Variants in MAP2K5 observed in about 807,000 individuals in gnomAD.
MAP2K5 encodes dual specificity mitogen-activated protein kinase kinase 5.
MAP2K5 carries 49 observed loss-of-function variants against 83.1 expected under a neutral mutation model. The ratio of observed to expected loss-of-function variants is 0.59; its 90% CI spans 0.47 to 0.75. The LOEUF (loss-of-function observed/expected upper bound fraction) is 0.75. Among genes scored for constraint, MAP2K5 ranks in the 30% least tolerant of loss-of-function variants. MAP2K5 has a pLI of 0.00. For synonymous variants in MAP2K5, 202 were observed against 191.8 expected (o/e 1.05, Z -0.44); for missense variants, 457 against 557.5 (o/e 0.82, Z 1.82).
chr15:67,761,866 A>G (rs1402631423), intron 19 of MAP2K5, among the ~76,000 whole-genome samples: 1 of 152,226 alleles, frequency 6.6e-6, no homozygotes, highest in African/African-American at 2.4e-5. Context: ...ACTTCTGTAG[A>G]ACCAGCTGAA....
At chr15:67,765,158 G>A (rs2090017240) in intron 19 of MAP2K5, among the ~76,000 whole-genome samples, 1 of 152,046 alleles carries the variant, frequency 6.6e-6, no homozygotes, top group Non-Finnish European at 1.5e-5. Context: ...CAAGAGATGG[G>A]GATCATTCTG....
Position 67,587,787 on chromosome 15 carries a change from C to G in MAP2K5, c.431+874C>G, listed in dbSNP as rs1022347456. Among the ~76,000 whole-genome samples the G allele has an allele frequency of 1.3e-5, 2 of 152,202 alleles. No homozygotes were observed. Among genetic ancestry groups the G allele is most frequent in the Admixed American group, 6.5e-5 (1 of 15,280 alleles). On this transcript the variant is annotated intron_variant, in intron 6 of 21. Transcript: ENST00000178640. This position sits in a 1 kb window ranked among gnomAD's most constrained non-coding sequence, Gnocchi z 4.8. ...CTCAGTAAATTCTCCCACATCCAGT[C>G]CATTGCTAACTCCAGATAACTTGTC...
intron 3 of MAP2K5, among the ~76,000 whole-genome samples, chr15:67,574,464 C>T (rs187390914): frequency 2.6e-5 from 4 of 151,812 alleles, no homozygotes; most frequent in Admixed American, 2.0e-4. Flanking sequence ...ATCAGCTACT[C>T]GGGAGGCTGA....
intron 16 of MAP2K5, among the ~76,000 whole-genome samples, chr15:67,704,905 TAG>T (rs2088512516): frequency 6.6e-6 from 1 of 152,180 alleles, no homozygotes; most frequent in East Asian, 1.9e-4. Context: ...ATAAGAATCC[TAG>T]ATTGGGAATG....
chr15:67,741,164 T>C (rs1005763797), intron 17 of MAP2K5, among the ~76,000 whole-genome samples: 4 of 152,064 alleles, frequency 2.6e-5, no homozygotes, highest in African/African-American at 9.7e-5. Context: ...TCATACTTTA[T>C]GAGGAACATA....
rs1286675993 is a variant in MAP2K5, at chr15:67,770,825, C to T, written c.1196+1162C>T. Among the ~76,000 whole-genome samples, 1 of 152,140 alleles carries T rather than the reference C, an allele frequency of 6.6e-6. No homozygotes were observed. Among genetic ancestry groups the T allele is most frequent in the Non-Finnish European group, 1.5e-5 (1 of 68,032 alleles). On this transcript the variant is annotated intron_variant, in intron 20 of 21. Transcript: ENST00000178640. The surrounding 1 kb of genome is among the most constrained non-coding windows in gnomAD (Gnocchi z 5.0). The stretch of plus-strand genomic sequence containing the variant: ...ATGTTACCTCTTAATAAAAATGTCT[C>T]ATGCAGTTTATATTCCATAGAAAAT...
intron 21 of MAP2K5, among the ~76,000 whole-genome samples, chr15:67,776,175 A>T (rs935516010): frequency 1.3e-5 from 2 of 152,198 alleles, no homozygotes; most frequent in African/African-American, 4.8e-5. Flanking sequence ...AACATTCAGC[A>T]TACCGACAGA....
intron 3 of MAP2K5, among the ~76,000 whole-genome samples, chr15:67,570,274 C>T (rs978575543): frequency 6.6e-6 from 1 of 152,234 alleles, no homozygotes; most frequent in Non-Finnish European, 1.5e-5. Context: ...GTCATTTTCA[C>T]TTTCAAGTCA....
chr15:67,663,506 C>G (rs1413605361), intron 12 of MAP2K5, among the ~76,000 whole-genome samples: 1 of 152,098 alleles, frequency 6.6e-6, no homozygotes, highest in African/African-American at 2.4e-5. Flanking sequence ...CCTTAGTAAG[C>G]CTTTCTGACT....
In MAP2K5 at chr15:67,563,327, G is replaced by A; in HGVS notation, c.229G>A (p.Glu77Lys). 1 of 1,611,510 alleles carries A rather than the reference G, an allele frequency of 6.2e-7. No individual in the cohort carries two copies. Among genetic ancestry groups the A allele is most frequent in the Non-Finnish European group, 8.5e-7 (1 of 1,178,990 alleles). ...GDRITVRSDE[E>K]MKAMLSYYYS... ...TCGAATTACAGTGAGAAGTGATGAG[G>A]AAATGAAGGCAATGCTGTCATATGT... Residue 77 changes from glutamate to lysine, a missense_variant, in exon 3 of 22, where the codon GAA becomes AAA. Glu to Lys is a moderately conservative substitution (Grantham distance 56). Around this residue, in one of 3 missense-constraint regions of MAP2K5, gnomAD observed 234 missense variants for 243.6 expected, o/e 0.96. Transcript: ENST00000178640. The surrounding 1 kb of genome is among the most constrained non-coding windows in gnomAD (Gnocchi z 4.5).
rs1227906248 is a variant in MAP2K5, at chr15:67,779,201, CA to C, written c.1242+6451del. Among the ~76,000 whole-genome samples, 1 of 152,170 alleles carries C rather than the reference CA, an allele frequency of 6.6e-6. No individual in the cohort carries two copies. Among genetic ancestry groups the C allele is most frequent in the Non-Finnish European group, 1.5e-5 (1 of 68,040 alleles). ...GGGGCCCCACGTAGGGTCCAGCTGACAACCATGGAATTTTTTTTTAAGTTCT... is the reference window on the plus strand; with the variant it reads ...GGGGCCCCACGTAGGGTCCAGCTGACACCATGGAATTTTTTTTTAAGTTCT... On this transcript the variant is annotated intron_variant, in intron 21 of 21. Transcript: ENST00000178640. This position sits in a 1 kb window ranked among gnomAD's most constrained non-coding sequence, Gnocchi z 4.6.
Position 67,652,445 on chromosome 15 carries a change from C to G in MAP2K5, c.736+5976C>G, listed in dbSNP as rs151097013. The stretch of plus-strand genomic sequence containing the variant: ...TCTCAGGAAGCTTCCATTCGTGGAG[C>G]AAGAGAGAGAGGAGGGAGGTCCCAG... On this transcript the variant is annotated intron_variant, in intron 11 of 21. Coordinates refer to ENST00000178640, the MANE Select transcript of MAP2K5 (RefSeq NM_145160.3). This position sits in a 1 kb window ranked among gnomAD's most constrained non-coding sequence, Gnocchi z 4.2. Among the ~76,000 whole-genome samples the G allele has an allele frequency of 3.7e-3, 567 of 152,166 alleles. 4 individuals carry two copies. Among genetic ancestry groups the G allele is most frequent in the African/African-American group, 0.013 (546 of 41,506 alleles).
intron 13 of MAP2K5, among the ~76,000 whole-genome samples, chr15:67,691,361 G>A (rs1037950618): frequency 7.2e-5 from 11 of 152,194 alleles, no homozygotes; most frequent in African/African-American, 2.4e-4. Context: ...CACATTGCCT[G>A]TCACATAAGT....
At position 67,636,205 on chromosome 15, in the gene MAP2K5, G is replaced by T. The variant is rs78972675; in HGVS notation, c.585+5278G>T. 0.14 allele frequency among the ~76,000 whole-genome samples: 20,844 copies of T among 152,140 alleles called. 1,523 individuals carry two copies. The highest frequency in any genetic ancestry group is 0.16 in the South Asian group (778 of 4,820). Reference sequence around the variant, plus strand: ...AGGTGGGCGGATCATGAGGTCAGGAGATCGAGACCATCCTAACACGGTGAA... The same window carrying T: ...AGGTGGGCGGATCATGAGGTCAGGATATCGAGACCATCCTAACACGGTGAA... On this transcript the variant is annotated intron_variant, in intron 9 of 21. Transcript: ENST00000178640. The surrounding 1 kb of genome is among the most constrained non-coding windows in gnomAD (Gnocchi z 4.7).
At chr15:67,682,572 A>C (rs967955663) in intron 13 of MAP2K5, among the ~76,000 whole-genome samples, 36 of 148,126 alleles carry the variant, frequency 2.4e-4, no homozygotes, top group African/African-American at 8.9e-4. Context: ...GGTGGCTTAC[A>C]CCTGTAATCC....
rs372016427 is a variant in MAP2K5 at position 67,590,046 on chromosome 15, A to G, written c.432-2880A>G. Among the ~76,000 whole-genome samples, 4 of 152,202 alleles carry G rather than the reference A, an allele frequency of 2.6e-5. No homozygotes were observed. The South Asian group carries it at 6.2e-4, about 24-fold the overall frequency. On this transcript the variant is annotated intron_variant, in intron 6 of 21. Coordinates refer to ENST00000178640, the MANE Select transcript of MAP2K5 (RefSeq NM_145160.3). ...TTAGGCAGCTGTGTATTTTTTCCAT[A>G]TATGTTTCAGCTTTCATCCTATTCT...
chr15:67,648,567 G>A (rs1418342873), intron 11 of MAP2K5, among the ~76,000 whole-genome samples: 4 of 106,038 alleles, frequency 3.8e-5, no homozygotes, highest in East Asian at 5.7e-4. Flanking sequence ...GTGGACATAC[G>A]TTTTCAGTTC....
intron 11 of MAP2K5, among the ~76,000 whole-genome samples, chr15:67,649,462 GC>G: frequency 6.6e-6 from 1 of 151,816 alleles, no homozygotes; most frequent in East Asian, 1.9e-4. Flanking sequence ...TATTGTTTTA[GC>G]TTTTATATTT....
At chr15:67,551,425 T>TGAACTCCA (rs2084508272) in intron 2 of MAP2K5, among the ~76,000 whole-genome samples, 1 of 152,084 alleles carries the variant, frequency 6.6e-6, no homozygotes, top group Non-Finnish European at 1.5e-5. Flanking sequence ...CTTGAACTCC[T>TGAACTCCA]GGGCTTACAC....
Sources: allele counts gnomAD v4.1 joint callset (sites outside exome capture counted in the v4.1 genomes callset), GRCh38; gene constraint gnomAD v4.1.1; regional missense constraint gnomAD v4.1.1; non-coding constraint Gnocchi (gnomAD v3.1); transcripts MANE v1.5; gene names NCBI Gene and HGNC (gene_info 2026-07-23, HGNC 2026-07-21).